B4GALT6: variants seen among roughly 807,000 people sequenced by gnomAD.
The protein encoded by B4GALT6 is UDP-Gal:beta-GlcNAc beta-1,4-galactosyltransferase 6.
Under a neutral mutation model 46.3 loss-of-function variants are expected in B4GALT6, and 14 were observed. That is an observed-to-expected ratio of 0.30 (90% confidence interval 0.20 to 0.47). The LOEUF is 0.47. B4GALT6 is among the 20% of genes least tolerant of loss of function. The probability of loss-of-function intolerance (pLI) is 0.99; values close to 1 mark genes in which losing one functional copy is unlikely to be tolerated. For missense variants in B4GALT6, 386 were observed against 480.1 expected (o/e 0.80, Z 1.83); for synonymous variants, 168 against 162.0 (o/e 1.04, Z -0.28).
At chr18:31,699,232 C>T in the B4GALT6 span, among the ~76,000 whole-genome samples, 11 of 149,746 alleles carry the variant, frequency 7.3e-5, no homozygotes, top group African/African-American at 1.7e-4. Context: ...CCACACATAT[C>T]GTTGCTTAGA....
chr18:31,666,193 G>T (rs949718119), intron 2 of B4GALT6, 63 bp downstream of exon 2: 5 of 890,188 alleles, frequency 5.6e-6, no homozygotes, highest in Non-Finnish European at 8.5e-6. Context: ...AGGCAAAACA[G>T]ACTGTAAAAG....
chr18:31,685,389 C>T (rs2074535195), upstream of B4GALT6, among the ~76,000 whole-genome samples: 1 of 151,450 alleles, frequency 6.6e-6, no homozygotes, highest in East Asian at 2.0e-4. Flanking sequence ...CGTGAAGGGG[C>T]GGGGGAGCCG....
upstream of B4GALT6, among the ~76,000 whole-genome samples, chr18:31,688,731 G>A (rs1267193524): frequency 6.6e-6 from 1 of 152,066 alleles, no homozygotes; most frequent in Non-Finnish European, 1.5e-5. Context: ...GTATTATTAT[G>A]TCCTTCTGAG....
At chr18:31,659,732 C>T (rs1022607938) in intron 2 of B4GALT6, among the ~76,000 whole-genome samples, 1 of 152,010 alleles carries the variant, frequency 6.6e-6, no homozygotes, top group Non-Finnish European at 1.5e-5. Flanking sequence ...TCTCCCTGGG[C>T]GAGTGCTGGA....
In B4GALT6 at chr18:31,629,447, A is replaced by ATTTTTTTTTTTTTTTTTTTTTTTTT. The variant is rs869030382; in HGVS notation, c.776+1487_776+1511dup. Among the ~76,000 whole-genome samples the ATTTTTTTTTTTTTTTTTTTTTTTTT allele has an allele frequency of 1.8e-4, 6 of 32,880 alleles. 1 individual carries two copies. The highest frequency in any genetic ancestry group is 1.3e-3 in the South Asian group (1 of 754). The allele number at this position is 32,880 out of a possible 152,430, so 21.6% of individuals were successfully genotyped here. On this transcript the variant is annotated intron_variant, in intron 6 of 8. Transcript: ENST00000306851. ...ATTCTTAGTTTATATGCCCTTTATG[A>ATTTTTTTTTTTTTTTTTTTTTTTTT]TTTTTTTTTTTTTTTTTTTTTTTTT...
At chr18:31,699,360 C>A in the B4GALT6 span, among the ~76,000 whole-genome samples, 1 of 151,312 alleles carries the variant, frequency 6.6e-6, no homozygotes, top group Non-Finnish European at 1.5e-5. Context: ...GCAACCTCCA[C>A]CTCCTGGGTT....
At chr18:31,656,262 T>C (rs1196437761) in intron 3 of B4GALT6, among the ~76,000 whole-genome samples, 2 of 152,104 alleles carry the variant, frequency 1.3e-5, no homozygotes, top group Non-Finnish European at 2.9e-5. Flanking sequence ...AAAAAGCTCG[T>C]GTCAAGAATA....
chr18:31,674,730 G>A (rs981282921), intron 1 of B4GALT6, among the ~76,000 whole-genome samples: 1 of 152,002 alleles, frequency 6.6e-6, no homozygotes, highest in African/African-American at 2.4e-5. Flanking sequence ...TAACAATGGT[G>A]TAAACCCCAA....
In B4GALT6 at chr18:31,652,108, T is replaced by C. The variant is rs1037500180; in HGVS notation, c.346+5868A>G. Among the ~76,000 whole-genome samples the C allele has an allele frequency of 5.9e-5, 9 of 152,192 alleles. No individual in the cohort carries two copies. The East Asian group carries it at 7.7e-4, about 13-fold the overall frequency. On this transcript the variant is annotated intron_variant, in intron 3 of 8. Coordinates refer to ENST00000306851, the MANE Select transcript of B4GALT6 (RefSeq NM_004775.5). The stretch of plus-strand genomic sequence containing the variant: ...CTTTCTTTCCATGATGCCTACAACA[T>C]GCTCAAGTCCATCTCTTCCTAAAGA...
At chr18:31,659,804 T>C (rs969858745) in intron 2 of B4GALT6, among the ~76,000 whole-genome samples, 1 of 152,020 alleles carries the variant, frequency 6.6e-6, no homozygotes, top group East Asian at 1.9e-4. Flanking sequence ...TGAACATTAA[T>C]TGTTTTGTAT....
In B4GALT6 at chr18:31,652,059, G is replaced by A. The variant is rs187606383; in HGVS notation, c.346+5917C>T. On this transcript the variant is annotated intron_variant, in intron 3 of 8. Coordinates refer to ENST00000306851, the MANE Select transcript of B4GALT6 (RefSeq NM_004775.5). ...TGCTGGGATTACAGGCGTGAGCCAC[G>A]GCGCCCGGCCTCTTCTCTCCATCCT... 3.0e-3 allele frequency among the ~76,000 whole-genome samples: 452 copies of A among 152,042 alleles called. 1 individual carries two copies. The highest frequency in any genetic ancestry group is 0.014 in the Middle Eastern group (4 of 294).
chr18:31,652,528 C>T (rs1429367495), intron 3 of B4GALT6, among the ~76,000 whole-genome samples: 1 of 152,164 alleles, frequency 6.6e-6, no homozygotes, highest in Non-Finnish European at 1.5e-5. Context: ...CACTCTCAGC[C>T]TTCTTCCCCT....
chr18:31,670,891 T>C (rs896208410), intron 1 of B4GALT6, among the ~76,000 whole-genome samples: 2 of 152,148 alleles, frequency 1.3e-5, no homozygotes, highest in Non-Finnish European at 2.9e-5. Flanking sequence ...CCTAATGTTA[T>C]CCCTCCCCTA....
At chr18:31,716,882 T>A in the B4GALT6 span, among the ~76,000 whole-genome samples, 1 of 152,032 alleles carries the variant, frequency 6.6e-6, no homozygotes, top group African/African-American at 2.4e-5. Flanking sequence ...GGTGGATCAC[T>A]TGAGGTCAGG....
At chr18:31,647,331 G>C (rs2144592162) in intron 3 of B4GALT6, among the ~76,000 whole-genome samples, 1 of 152,282 alleles carries the variant, frequency 6.6e-6, no homozygotes, top group South Asian at 2.1e-4. Flanking sequence ...ATCATTTGCA[G>C]TTTAATTTCC....
intron 1 of B4GALT6, among the ~76,000 whole-genome samples, chr18:31,677,543 G>T (rs1307095490): frequency 2.0e-5 from 3 of 152,200 alleles, no homozygotes; most frequent in African/African-American, 7.2e-5. Flanking sequence ...CCAAAGGCAT[G>T]TTAAAGGCAT....
the B4GALT6 span, chr18:31,718,878 TA>T: frequency 2.0e-5 from 3 of 152,208 alleles, no homozygotes; most frequent in Non-Finnish European, 4.4e-5. Flanking sequence ...CCAAGATAGA[TA>T]AAAGTTTTTT....
chr18:31,644,415 T>C (rs1274137671), intron 4 of B4GALT6, among the ~76,000 whole-genome samples: 1 of 152,128 alleles, frequency 6.6e-6, no homozygotes, highest in Admixed American at 6.5e-5. Flanking sequence ...TTTAACAGCA[T>C]ATGATTTTCC....
intron 1 of B4GALT6, among the ~76,000 whole-genome samples, chr18:31,678,211 G>A (rs1233504775): frequency 1.3e-5 from 2 of 152,144 alleles, no homozygotes; most frequent in Non-Finnish European, 2.9e-5. Flanking sequence ...ACCCTCTCCA[G>A]GGTAATCACA....
Sources: allele counts gnomAD v4.1 joint callset (sites outside exome capture counted in the v4.1 genomes callset), GRCh38; gene constraint gnomAD v4.1.1; transcripts MANE v1.5; gene names NCBI Gene and HGNC (gene_info 2026-07-23, HGNC 2026-07-21).